Variants in CLTCL1 observed in about 807,000 individuals in gnomAD.
The protein encoded by CLTCL1 is clathrin heavy chain 2.
Under a neutral mutation model 190.0 loss-of-function variants are expected in CLTCL1, and 159 were observed. The ratio of observed to expected loss-of-function variants is 0.84; its 90% CI spans 0.74 to 0.95. The LOEUF is 0.95. CLTCL1 is among the 40% of genes least tolerant of loss of function. The probability of loss-of-function intolerance (pLI) is 0.00; values close to 1 mark genes in which losing one functional copy is unlikely to be tolerated. For missense variants in CLTCL1, 1,878 were observed against 2,033.4 expected (o/e 0.92, Z 1.47); for synonymous variants, 752 against 769.6 (o/e 0.98, Z 0.38).
intron 19 of CLTCL1, among the ~76,000 whole-genome samples, chr22:19,212,659 G>GAAAAGA (rs375189655): frequency 2.0e-5 from 3 of 149,774 alleles, no homozygotes; most frequent in Admixed American, 6.7e-5. Context: ...AAGAAAGAAA[G>GAAAAGA]AAAGAAAAGA....
chr22:19,280,785 C>T (rs1267775184), intron 1 of CLTCL1, among the ~76,000 whole-genome samples: 1 of 140,598 alleles, frequency 7.1e-6, no homozygotes. Flanking sequence ...TGCCACTGTA[C>T]TCCAGCCTGG....
intron 19 of CLTCL1, among the ~76,000 whole-genome samples, chr22:19,211,766 C>CAAAAAAAAAAAA (rs66494838): frequency 2.3e-5 from 1 of 42,724 alleles, no homozygotes; most frequent in Admixed American, 2.7e-4. Flanking sequence ...GATTGCATCT[C>CAAAAAAAAAAAA]AAAAAAAAAA....
intron 29 of CLTCL1, among the ~76,000 whole-genome samples, chr22:19,186,268 C>T (rs1569143850): frequency 6.6e-6 from 1 of 152,120 alleles, no homozygotes; most frequent in Non-Finnish European, 1.5e-5. Flanking sequence ...ACAAGGAGCC[C>T]TTGGGAATTG....
intron 22 of CLTCL1, among the ~76,000 whole-genome samples, chr22:19,204,032 G>A (rs1555941378): frequency 6.6e-6 from 1 of 152,158 alleles, no homozygotes; most frequent in Non-Finnish European, 1.5e-5. Context: ...TGCTGTCGCT[G>A]CCCCTTGCGA....
chr22:19,218,801 G>A (rs1195148791), intron 18 of CLTCL1, among the ~76,000 whole-genome samples: 1 of 152,218 alleles, frequency 6.6e-6, no homozygotes, highest in Non-Finnish European at 1.5e-5. Flanking sequence ...AGAGGCCGAG[G>A]CAGACTCCCA....
At chr22:19,268,396 T>C (rs1455644523) in intron 2 of CLTCL1, among the ~76,000 whole-genome samples, 2 of 152,104 alleles carry the variant, frequency 1.3e-5, no homozygotes, top group East Asian at 3.9e-4. Context: ...AAGATGTCAT[T>C]AGGAGAATGA....
At chr22:19,250,615 G>A (rs1555969656) in intron 3 of CLTCL1, among the ~76,000 whole-genome samples, 3 of 151,556 alleles carry the variant, frequency 2.0e-5, no homozygotes, top group Non-Finnish European at 2.9e-5. Context: ...GTGTAGTGGT[G>A]CAATCTCAGT....
chr22:19,180,867 G>GA, intron 30 of CLTCL1, 61 bp from the exon 31 acceptor site: 2 of 1,478,266 alleles, frequency 1.4e-6, no homozygotes, highest in Non-Finnish European at 1.9e-6. Context: ...GCCTCTAGGT[G>GA]AAAGTGGAGT....
chr22:19,224,209 A>G (rs2085667656), intron 13 of CLTCL1, among the ~76,000 whole-genome samples, 155 bp from the exon 14 acceptor site: 1 of 152,188 alleles, frequency 6.6e-6, no homozygotes, highest in African/African-American at 2.4e-5. Context: ...CTGTTTTGGC[A>G]GCTCCCAAAA....
At chr22:19,225,247 T>C in intron 13 of CLTCL1, among the ~76,000 whole-genome samples, 1 of 152,198 alleles carries the variant, frequency 6.6e-6, no homozygotes, top group African/African-American at 2.4e-5. Flanking sequence ...ATTTCTTCCT[T>C]TGGAAATACC....
At chr22:19,205,794 T>C (rs954760680) in intron 22 of CLTCL1, among the ~76,000 whole-genome samples, 2 of 152,180 alleles carry the variant, frequency 1.3e-5, no homozygotes, top group African/African-American at 2.4e-5. Context: ...AAAATTCAAA[T>C]ACATATTTTT....
intron 17 of CLTCL1, 85 bp from the exon 18 acceptor site, chr22:19,220,092 G>T: frequency 6.4e-7 from 1 of 1,557,462 alleles, no homozygotes; most frequent in Non-Finnish European, 8.8e-7. Context: ...CGTTCCCTGT[G>T]TGCCTGATAC....
At chr22:19,211,766 C>CAAAAAAAA (rs66494838) in intron 19 of CLTCL1, among the ~76,000 whole-genome samples, 1 of 42,702 alleles carries the variant, frequency 2.3e-5, no homozygotes, top group Admixed American at 2.7e-4. Flanking sequence ...GATTGCATCT[C>CAAAAAAAA]AAAAAAAAAA....
intron 4 of CLTCL1, among the ~76,000 whole-genome samples, chr22:19,240,826 G>A (rs2086230839): frequency 6.6e-6 from 1 of 152,224 alleles, no homozygotes; most frequent in South Asian, 2.1e-4. Context: ...TGAGAAGGGT[G>A]ACACTGCCAG....
At position 19,264,710 on chromosome 22, in the gene CLTCL1, A is replaced by G. The variant is rs192761163; in HGVS notation, c.251-10483T>C. On this transcript the variant is annotated intron_variant, in intron 2 of 32. Coordinates refer to ENST00000427926, the MANE Select transcript of CLTCL1 (RefSeq NM_007098.4). ...TGTTGCTAACAGAAAGTCTTTAATGATATCATGATATACCTGGGCAATAAT... is the reference window on the plus strand; with the variant it reads ...TGTTGCTAACAGAAAGTCTTTAATGGTATCATGATATACCTGGGCAATAAT... Among the ~76,000 whole-genome samples, 819 of 152,310 alleles carry G rather than the reference A, an allele frequency of 5.4e-3. 5 individuals are homozygous for G. The highest frequency in any genetic ancestry group is 0.017 in the Middle Eastern group (5 of 294).
chr22:19,179,972 G>C lies in CLTCL1; in HGVS notation c.*21-3C>G, dbSNP rs999172184. On this transcript the variant is annotated splice_polypyrimidine_tract_variant and splice_region_variant and intron_variant, in intron 32 of 32. Coordinates refer to ENST00000427926, the MANE Select transcript of CLTCL1 (RefSeq NM_007098.4). The stretch of plus-strand genomic sequence containing the variant: ...AGGGGCTGGGCCCACGGCAGGGCCT[G>C]CAGAGGGGGAAGCCCACAATGAGCA... The C allele has an allele frequency of 3.0e-5, 17 of 572,786 alleles. No homozygotes were observed. The highest frequency in any genetic ancestry group is 4.4e-5 in the Non-Finnish European group (14 of 321,416). 35.5% of individuals were successfully genotyped at this position (572,786 alleles called of 1,614,324 possible).
At chr22:19,207,135 GC>G (rs2085076300) in intron 22 of CLTCL1, among the ~76,000 whole-genome samples, 1 of 148,616 alleles carries the variant, frequency 6.7e-6, no homozygotes, top group African/African-American at 2.5e-5. Flanking sequence ...TCCTGCCTCA[GC>G]CTTCTGAGTA....
intron 2 of CLTCL1, among the ~76,000 whole-genome samples, chr22:19,256,807 TTTG>T (rs2086777167): frequency 6.6e-6 from 1 of 152,132 alleles, no homozygotes; most frequent in African/African-American, 2.4e-5. Context: ...CCCAGCATCT[TTTG>T]TTTGCTTGGT....
intron 6 of CLTCL1, 21 bp from the exon 7 acceptor site, chr22:19,234,727 A>G: frequency 2.5e-6 from 4 of 1,605,294 alleles, no homozygotes; most frequent in Non-Finnish European, 3.4e-6. Context: ...ACAACAAGTG[A>G]GAGCAGCCCG....
Sources: allele counts gnomAD v4.1 joint callset (sites outside exome capture counted in the v4.1 genomes callset), GRCh38; gene constraint gnomAD v4.1.1; transcripts MANE v1.5; gene names NCBI Gene and HGNC (gene_info 2026-07-23, HGNC 2026-07-21).